The following PTPRQ variants were observed in gnomAD, a reference collection of about 807,000 sequenced individuals.
PTPRQ encodes phosphatidylinositol phosphatase PTPRQ.
In PTPRQ, 199 loss-of-function variants were observed where a neutral mutation model predicts 246.0. That is an observed-to-expected ratio of 0.81 (90% CI 0.72 to 0.91). The LOEUF is 0.91. Among genes scored for constraint, PTPRQ ranks in the 40% least tolerant of loss-of-function variants. PTPRQ has a pLI of 0.00. For synonymous variants in PTPRQ, 869 were observed against 853.2 expected (o/e 1.02, Z -0.32); for missense variants, 2,624 against 2,528.4 (o/e 1.04, Z -0.81).
chr12:80,606,829 A>G (rs1484805007), intron 27 of PTPRQ, among the ~76,000 whole-genome samples: 1 of 150,946 alleles, frequency 6.6e-6, no homozygotes, highest in Non-Finnish European at 1.5e-5. Context: ...TAATTAGCCA[A>G]AAATAATTAG....
chr12:80,626,556 G>A (rs561826189), intron 33 of PTPRQ, among the ~76,000 whole-genome samples: 4 of 152,142 alleles, frequency 2.6e-5, no homozygotes, highest in African/African-American at 9.6e-5. Flanking sequence ...TTTACATAGC[G>A]CCAATTTCTA....
intron 25 of PTPRQ, among the ~76,000 whole-genome samples, chr12:80,563,804 C>T (rs1171886564): frequency 3.3e-5 from 5 of 152,118 alleles, no homozygotes; most frequent in Admixed American, 3.3e-4. Context: ...CTTATTACTA[C>T]TGGAGAGGGT....
At chr12:80,582,251 A>G (rs765160203) in intron 25 of PTPRQ, among the ~76,000 whole-genome samples, 1 of 152,102 alleles carries the variant, frequency 6.6e-6, no homozygotes. Flanking sequence ...ATATATAGTG[A>G]CCCTAAATCC....
intron 7 of PTPRQ, among the ~76,000 whole-genome samples, chr12:80,469,535 A>G (rs1252211940): frequency 6.6e-6 from 1 of 152,174 alleles, no homozygotes; most frequent in Non-Finnish European, 1.5e-5. Flanking sequence ...TAATTCTAAC[A>G]ATGATGAGAT....
At chr12:80,446,833 G>A (rs1402110293) in intron 3 of PTPRQ, among the ~76,000 whole-genome samples, 1 of 151,894 alleles carries the variant, frequency 6.6e-6, no homozygotes, top group Non-Finnish European at 1.5e-5. Flanking sequence ...TAGATACTTA[G>A]GTTGATTCCA....
intron 16 of PTPRQ, among the ~76,000 whole-genome samples, chr12:80,508,732 T>C (rs1028787581): frequency 6.6e-5 from 10 of 152,156 alleles, no homozygotes; most frequent in African/African-American, 2.4e-4. Context: ...AAACTTAGTC[T>C]GCTACAGTGG....
chr12:80,453,406 T>G (rs540488894), intron 3 of PTPRQ, among the ~76,000 whole-genome samples: 90 of 152,360 alleles, frequency 5.9e-4, no homozygotes, highest in Middle Eastern at 6.8e-3. Flanking sequence ...CTGTTGCTGG[T>G]GAGGAACTGC....
chr12:80,666,103 A>G (rs1282087780), intron 39 of PTPRQ, among the ~76,000 whole-genome samples: 2 of 152,084 alleles, frequency 1.3e-5, no homozygotes, highest in African/African-American at 2.4e-5. Flanking sequence ...TCAAAGGCAT[A>G]TCTATGCTTA....
chr12:80,647,496 T>C (rs1900113855), intron 35 of PTPRQ, among the ~76,000 whole-genome samples: 1 of 152,146 alleles, frequency 6.6e-6, no homozygotes, highest in Non-Finnish European at 1.5e-5. Context: ...ATGTAGCCTG[T>C]AGTTTATCTT....
At chr12:80,664,630 G>A (rs1900730756) in intron 39 of PTPRQ, among the ~76,000 whole-genome samples, 1 of 151,870 alleles carries the variant, frequency 6.6e-6, no homozygotes, top group African/African-American at 2.4e-5. Flanking sequence ...TTACATTATA[G>A]CCCCTTGAAG....
chr12:80,481,903 A>G (rs868033047), intron 8 of PTPRQ, among the ~76,000 whole-genome samples: 1,565 of 150,398 alleles, frequency 0.01, 39 homozygotes, highest in African/African-American at 0.036. Flanking sequence ...AGAACATTCC[A>G]TGCTCATGGG....
chr12:80,507,943 T>C (rs573230293), intron 16 of PTPRQ, among the ~76,000 whole-genome samples: 180 of 152,160 alleles, frequency 1.2e-3, no homozygotes, highest in African/African-American at 3.7e-3. Context: ...TTGAAAATAG[T>C]ACCCACTTCT....
chr12:80,640,025 CGTGTGTGTGTGTGTGTGTGT>C (rs149812346), intron 35 of PTPRQ, among the ~76,000 whole-genome samples: 3 of 142,906 alleles, frequency 2.1e-5, no homozygotes, highest in African/African-American at 7.6e-5. Context: ...TGAAGATACA[CGTGTGTGTGTGTGTGTGTGT>C]GTGTGTGTGT....
intron 14 of PTPRQ, among the ~76,000 whole-genome samples, chr12:80,502,125 C>T (rs1463624825): frequency 6.6e-6 from 1 of 151,982 alleles, no homozygotes; most frequent in Admixed American, 6.6e-5. Flanking sequence ...AATGTAAAGT[C>T]TCTGAATAGG....
Position 80,641,668 on chromosome 12 carries a change from A to C in PTPRQ, c.5915+6595A>C, listed in dbSNP as rs1336463826. Among the ~76,000 whole-genome samples the C allele has an allele frequency of 2.6e-5, 4 of 152,210 alleles. No homozygotes were observed. In the South Asian group the frequency reaches 8.3e-4, roughly 32 times the overall value. ...GTTCAAACATTTGTCAAAGTAAGAC[A>C]CTGTTAAACTGAAGATTTAATTGAT... On this transcript the variant is annotated intron_variant, in intron 35 of 44. Coordinates refer to ENST00000644991, the MANE Select transcript of PTPRQ (RefSeq NM_001145026.2).
intron 1 of PTPRQ, 36 bp from the exon 2 acceptor site, chr12:80,444,705 G>T (rs1248114415): frequency 3.4e-6 from 5 of 1,470,900 alleles, no homozygotes; most frequent in Admixed American, 4.0e-5. Context: ...TTTCCAGAAA[G>T]AATTTTAATG....
intron 37 of PTPRQ, among the ~76,000 whole-genome samples, chr12:80,650,942 A>T (rs1900236640): frequency 6.6e-6 from 1 of 152,102 alleles, no homozygotes; most frequent in Non-Finnish European, 1.5e-5. Flanking sequence ...AAAGCAAATT[A>T]TTAAATTATG....
intron 7 of PTPRQ, among the ~76,000 whole-genome samples, chr12:80,470,726 CAAATA>C (rs1388904410): frequency 6.6e-6 from 1 of 151,486 alleles, no homozygotes; most frequent in African/African-American, 2.4e-5. Flanking sequence ...GGTGAGGGGC[CAAATA>C]AAATAAAACA....
chr12:80,653,520 A>C (rs1435215609), intron 38 of PTPRQ, among the ~76,000 whole-genome samples: 1 of 152,190 alleles, frequency 6.6e-6, no homozygotes, highest in East Asian at 1.9e-4. Flanking sequence ...AAAAAGTGAC[A>C]TTGTGATGTC....
Sources: allele counts gnomAD v4.1 joint callset (sites outside exome capture counted in the v4.1 genomes callset), GRCh38; gene constraint gnomAD v4.1.1; transcripts MANE v1.5; gene names NCBI Gene and HGNC (gene_info 2026-07-23, HGNC 2026-07-21).